TMEM216: variants seen among roughly 807,000 people sequenced by gnomAD.
The protein encoded by TMEM216 is transmembrane protein 216.
A neutral mutation model predicts 17.8 loss-of-function variants in TMEM216; 15 were observed. The ratio of observed to expected loss-of-function variants is 0.84; its 90% CI spans 0.56 to 1.30. The LOEUF (loss-of-function observed/expected upper bound fraction) is 1.30. Ranked by LOEUF, TMEM216 falls within the 50% of genes most tolerant of loss-of-function variation. The pLI, the probability that TMEM216 is intolerant of heterozygous loss-of-function variation, is 0.00. For synonymous variants in TMEM216, 58 were observed against 73.5 expected (o/e 0.79, Z 1.08); for missense variants, 160 against 175.7 (o/e 0.91, Z 0.51).
Position 61,393,970 on chromosome 11 carries a change from T to C in TMEM216, c.223T>C (p.Phe75Leu). ...TCTTGGAATTGAAGTAATTCGCCTG[T>C]TTTTTGGTAAGTGTTGTCCAGAGAA... is the stretch of plus-strand genomic sequence containing the variant. ...LYLGIEVIRL[F>L]FGTKGNLCQR... Residue 75 changes from phenylalanine (F) to leucine (L), a missense_variant, in exon 3 of 5, where the codon TTT (phenylalanine) becomes CTT (leucine). Phe to Leu is a conservative substitution (Grantham distance 22). Coordinates refer to ENST00000515837, the MANE Select transcript of TMEM216 (RefSeq NM_001173990.3). The C allele has an allele frequency of 6.2e-7, 1 of 1,613,832 alleles. No homozygotes were observed. The highest frequency in any genetic ancestry group is 8.5e-7 in the Non-Finnish European group (1 of 1,179,730).
Position 61,393,910 on chromosome 11 carries a change from A to G in TMEM216, c.163A>G (p.Asn55Asp). The change falls in exon 3 of 5, where the codon AAC (asparagine) becomes GAC (aspartate). Residue 55 changes from asparagine to aspartate, a missense_variant. Coordinates refer to ENST00000515837, the MANE Select transcript of TMEM216 (RefSeq NM_001173990.3). ...KGVLLPYPTA[N>D]LVLDVVMLLL... ...TGTCCTGCTACCATATCCAACAGCT[A>G]ACCTAGTACTGGATGTGGTGATGCT... is the stretch of plus-strand genomic sequence containing the variant. 1.2e-6 allele frequency: 2 copies of G among 1,613,984 alleles called. No individual in the cohort carries two copies. The highest frequency in any genetic ancestry group is 1.7e-6 in the Non-Finnish European group (2 of 1,179,846).
intron 4 of TMEM216, 63 bp from the exon 5 acceptor site, chr11:61,398,206 AG>A (rs1363646623): frequency 1.9e-6 from 3 of 1,592,900 alleles, no homozygotes; most frequent in Non-Finnish European, 2.6e-6. Context: ...AGAACAGTCG[AG>A]GCCAGCTGCT....
At chr11:61,393,477 CTTCT>C (rs1194334848) in intron 2 of TMEM216, 145 bp downstream of exon 2, 2 of 618,510 alleles carry the variant, frequency 3.2e-6, no homozygotes, top group Admixed American at 2.9e-5. Context: ...CATCAGATGG[CTTCT>C]TTGAGTATGA....
chr11:61,395,605 G>A (rs572521214), intron 3 of TMEM216, among the ~76,000 whole-genome samples: 61 of 151,696 alleles, frequency 4.0e-4, no homozygotes, highest in South Asian at 2.3e-3. Flanking sequence ...GTGTGGTGGC[G>A]CGCACCTGTA....
rs189765321 is a variant in TMEM216, at chr11:61,393,297, A to G, written c.101A>G (p.Tyr34Cys). 6 of 1,535,884 alleles carry G rather than the reference A, an allele frequency of 3.9e-6. No homozygotes were observed. The African/African-American group carries it at 6.8e-5, about 18-fold the overall frequency. The stretch of plus-strand genomic sequence containing the variant: ...CTGAACGGGTGGTATAATGCTACCT[A>G]TTTCCTGCTGGAACTTTTCATATTT... ...FFLNGWYNAT[Y>C]FLLELFIFLY... The change falls in exon 2 of 5, where the codon TAT becomes TGT. Residue 34 changes from tyrosine to cysteine, a missense_variant. By Grantham distance (194) the Tyr-to-Cys change is radical (BLOSUM62 -2). Transcript: ENST00000515837.
At chr11:61,393,369 C>T (rs1281933900) in intron 2 of TMEM216, 37 bp downstream of exon 2, 20 of 1,391,922 alleles carry the variant, frequency 1.4e-5, no homozygotes, top group Non-Finnish European at 2.0e-5. Context: ...AGCATCCCTT[C>T]CCCACTTCAG....
intron 3 of TMEM216, among the ~76,000 whole-genome samples, chr11:61,396,794 A>T (rs1277745639): frequency 2.1e-5 from 3 of 141,756 alleles, no homozygotes; most frequent in Non-Finnish European, 4.7e-5. Flanking sequence ...CCGTCTCAAT[A>T]AAAAAAAAAA....
intron 4 of TMEM216, 138 bp downstream of exon 4, chr11:61,398,113 C>A: frequency 7.2e-7 from 1 of 1,389,774 alleles, no homozygotes; most frequent in Non-Finnish European, 1.0e-6. Context: ...ATGGGATTGC[C>A]TTTCCTGTTT....
At chr11:61,394,080 G>A in intron 3 of TMEM216, 104 bp downstream of exon 3, 1 of 1,020,070 alleles carries the variant, frequency 9.8e-7, no homozygotes, top group Non-Finnish European at 1.5e-6. Context: ...ATCATAGACT[G>A]GATCTGTATA....
At position 61,398,488 on chromosome 11, in the gene TMEM216, C is replaced by T. The variant is rs1362515005; in HGVS notation, c.*212C>T. 1 of 598,422 alleles carries T rather than the reference C, an allele frequency of 1.7e-6. No homozygotes were observed. Among genetic ancestry groups the T allele is most frequent in the African/African-American group, 1.8e-5 (1 of 54,054 alleles). The allele number at this position is 598,422 out of a possible 1,614,324, so 37.1% of individuals were successfully genotyped here. On this transcript the variant is annotated 3_prime_UTR_variant, in exon 5 of 5. Coordinates refer to ENST00000515837, the MANE Select transcript of TMEM216 (RefSeq NM_001173990.3). The stretch of plus-strand genomic sequence containing the variant: ...ACCATCAGCCCAAGAGACTCTTCTA[C>T]ACTCCAGTATAGGGAGGGGCAAGGT...
intron 3 of TMEM216, among the ~76,000 whole-genome samples, chr11:61,394,887 G>A (rs187368420): frequency 1.4e-4 from 22 of 152,098 alleles, no homozygotes; most frequent in Non-Finnish European, 3.1e-4. Context: ...GGATGGTCTC[G>A]ATCTCCTGAC....
At chr11:61,394,736 G>A (rs1858761317) in intron 3 of TMEM216, among the ~76,000 whole-genome samples, 1 of 149,710 alleles carries the variant, frequency 6.7e-6, no homozygotes, top group African/African-American at 2.5e-5. Flanking sequence ...GCACCATCTC[G>A]GCTCACTGCA....
chr11:61,392,806 C>T, intron 1 of TMEM216, 141 bp downstream of exon 1: 6 of 1,514,928 alleles, frequency 4.0e-6, no homozygotes, highest in Non-Finnish European at 5.3e-6. Context: ...CCGGCTTCCG[C>T]GGTCCCGCCC....
chr11:61,393,098 A>C, intron 1 of TMEM216, 133 bp from the exon 2 acceptor site: 2 of 593,064 alleles, frequency 3.4e-6, no homozygotes, highest in Non-Finnish European at 5.1e-6. Context: ...CATTATCAGC[A>C]ACCAGAAGTG....
At position 61,398,383 on chromosome 11, in the gene TMEM216, G is replaced by T. The variant is rs535550368; in HGVS notation, c.*107G>T. 2,518 of 1,250,734 alleles carry T rather than the reference G, an allele frequency of 2.0e-3. 10 individuals are homozygous for T. The highest frequency in any genetic ancestry group is 2.5e-3 in the Non-Finnish European group (2,201 of 883,398). The allele number at this position is 1,250,734 out of a possible 1,614,324, so 77.5% of individuals were successfully genotyped here. A position where few individuals can be genotyped will look rare whatever the true frequency, so the allele number is the denominator to read the frequency against. On this transcript the variant is annotated 3_prime_UTR_variant, in exon 5 of 5. Coordinates refer to ENST00000515837, the MANE Select transcript of TMEM216 (RefSeq NM_001173990.3). The stretch of plus-strand genomic sequence containing the variant: ...GGTGGGGCAAGTTGTCCTGAGAAAG[G>T]CTGTGTGGCTTTTCTTCAGCACAGA...
chr11:61,392,800 C>T, intron 1 of TMEM216, 135 bp downstream of exon 1: 1 of 1,518,956 alleles, frequency 6.6e-7, no homozygotes, highest in Non-Finnish European at 8.8e-7. Context: ...CCAAAGCCGG[C>T]TTCCGCGGTC....
chr11:61,393,253 G>T lies in TMEM216; in HGVS notation c.57G>T (p.Pro19=), dbSNP rs769285695. 72 of 1,535,568 alleles carry T rather than the reference G, an allele frequency of 4.7e-5. No homozygotes were observed. Among genetic ancestry groups the T allele is most frequent in the Non-Finnish European group, 6.0e-5 (69 of 1,146,718 alleles). ...CAGGTAAACGGTTGTCCTCCACCCC[G>T]CTGGAAATCCTGTTCTTTCTGAACG... is the stretch of plus-strand genomic sequence containing the variant. The part of the protein sequence containing the change: ...APRGKRLSST[P]LEILFFLNGW... Residue 19 remains proline (P), a synonymous_variant, in exon 2 of 5, where the codon CCG becomes CCT. Coordinates refer to ENST00000515837, the MANE Select transcript of TMEM216 (RefSeq NM_001173990.3).
chr11:61,398,043 T>C (rs1213012615), intron 4 of TMEM216, 68 bp downstream of exon 4: 23 of 1,578,884 alleles, frequency 1.5e-5, no homozygotes, highest in Non-Finnish European at 1.9e-5. Flanking sequence ...AGGGATTCAG[T>C]ATTCTTCTGA....
chr11:61,396,051 G>A (rs189603188), intron 3 of TMEM216, among the ~76,000 whole-genome samples: 13 of 152,218 alleles, frequency 8.5e-5, no homozygotes, highest in East Asian at 7.7e-4. Flanking sequence ...ACAGATATGC[G>A]AAGATAGCTA....
Sources: allele counts gnomAD v4.1 joint callset (sites outside exome capture counted in the v4.1 genomes callset), GRCh38; gene constraint gnomAD v4.1.1; transcripts MANE v1.5; gene names NCBI Gene and HGNC (gene_info 2026-07-23, HGNC 2026-07-21).